The following DGKH variants were observed in gnomAD, a reference collection of about 807,000 sequenced individuals.
DGKH encodes diacylglycerol kinase eta.
DGKH carries 90 observed loss-of-function variants against 159.3 expected under a neutral mutation model. The observed-to-expected ratio is 0.57, with a 90% CI of 0.48 to 0.67. DGKH has a LOEUF of 0.67. DGKH is among the 30% of genes least tolerant of loss of function. DGKH has a pLI of 0.00. For missense variants in DGKH, 1,181 were observed against 1,506.1 expected (o/e 0.78, Z 3.57); for synonymous variants, 536 against 553.8 (o/e 0.97, Z 0.45).
At chr13:42,095,947 A>G (rs1184675347) in intron 1 of DGKH, among the ~76,000 whole-genome samples, 1 of 152,142 alleles carries the variant, frequency 6.6e-6, no homozygotes, top group Non-Finnish European at 1.5e-5. Flanking sequence ...TTAAAGTTAT[A>G]TTGTTTCTAT....
At chr13:42,244,069 A>G (rs1468006291), downstream of DGKH, among the ~76,000 whole-genome samples, 1 of 152,174 alleles carries the variant, frequency 6.6e-6, no homozygotes, top group Non-Finnish European at 1.5e-5. Flanking sequence ...GAGAAGAAAC[A>G]TAACAAATCC....
chr13:42,073,782 G>T (rs765918398), intron 1 of DGKH, among the ~76,000 whole-genome samples: 7 of 152,178 alleles, frequency 4.6e-5, no homozygotes, highest in Admixed American at 1.3e-4. Context: ...GATACATGCT[G>T]TCACAGAAAC....
chr13:42,241,914 CTG>C lies in DGKH; in HGVS notation c.*12728_*12729del, dbSNP rs935291496. The C allele has an allele frequency of 6.6e-6, 1 of 152,120 alleles. No individual in the cohort carries two copies. The highest frequency in any genetic ancestry group is 1.5e-5 in the Non-Finnish European group (1 of 68,008). The allele number at this position is 152,120 out of a possible 1,614,324, so 9.4% of individuals were successfully genotyped here. A position where few individuals can be genotyped will look rare whatever the true frequency, so the allele number is the denominator to read the frequency against. ...GGGTTCCTTCATGAGAAGGAAAAAA[CTG>C]TATCTTTATTGTCAGTAAGTGTGGA... On this transcript the variant is annotated 3_prime_UTR_variant, in exon 30 of 30. Transcript: ENST00000337343.
At chr13:42,174,380 C>T (rs982808812) in intron 12 of DGKH, among the ~76,000 whole-genome samples, 2 of 152,134 alleles carry the variant, frequency 1.3e-5, no homozygotes, top group African/African-American at 4.8e-5. Context: ...CCCAGTCACT[C>T]CTCTTCCTGG....
chr13:42,214,660 T>C lies in DGKH; in HGVS notation c.3120+48T>C, dbSNP rs750909715. 15 of 1,584,022 alleles carry C rather than the reference T, an allele frequency of 9.5e-6. No individual in the cohort carries two copies. The African/African-American group carries it at 1.9e-4, about 20-fold the overall frequency. On this transcript the variant is annotated intron_variant, in intron 25 of 29. Coordinates refer to ENST00000337343, the MANE Select transcript of DGKH (RefSeq NM_178009.5). ...TCATTCCACAGATTCTTTTGGGTGT[T>C]ACACATGTATTTTAATACTGTAAAA...
At chr13:42,190,315 G>A (rs1262499345) in intron 15 of DGKH, 88 bp from the exon 16 acceptor site, 10 of 1,477,340 alleles carry the variant, frequency 6.8e-6, no homozygotes, top group Non-Finnish European at 1.8e-6. Context: ...TTTGGCATAT[G>A]TTTCAATTTG....
Position 42,189,240 on chromosome 13 carries a change from A to G in DGKH, c.1843A>G (p.Arg615Gly), listed in dbSNP as rs1957005559. Residue 615 changes from arginine (R) to glycine (G), a missense_variant, in exon 15 of 30, where the codon AGG becomes GGG. This residue lies in a region of DGKH where 257 missense variants were observed against 281.5 expected (regional missense o/e 0.91). Transcript: ENST00000337343. ...TTCCTCCCAGAAAGCCGTCAAACCA[A>G]GGGAAATCATGTTGCGGGCAAATAG... ...KPSSQKAVKP[R>G]EIMLRANSLK... 2.5e-6 allele frequency: 4 copies of G among 1,614,250 alleles called. No individual in the cohort carries two copies. The highest frequency in any genetic ancestry group is 1.6e-4 in the Middle Eastern group (1 of 6,062).
At chr13:42,130,304 C>G (rs1046816613) in intron 3 of DGKH, among the ~76,000 whole-genome samples, 4 of 152,152 alleles carry the variant, frequency 2.6e-5, no homozygotes, top group Non-Finnish European at 4.4e-5. Flanking sequence ...TCAGTGATTC[C>G]TCCCCCATCT....
rs1418531924 is a variant in DGKH at position 42,209,317 on chromosome 13, T to C, written c.2716-14T>C. The stretch of plus-strand genomic sequence containing the variant: ...TGGATGATTTGTACTCTAAAATGAT[T>C]TGTTTTATTTCAGTGCCGTACAGTG... On this transcript the variant is annotated splice_polypyrimidine_tract_variant and intron_variant, in intron 22 of 29. Coordinates refer to ENST00000337343, the MANE Select transcript of DGKH (RefSeq NM_178009.5). The C allele has an allele frequency of 6.3e-7, 1 of 1,595,638 alleles. No homozygotes were observed. Among genetic ancestry groups the C allele is most frequent in the African/African-American group, 1.4e-5 (1 of 73,876 alleles).
intron 1 of DGKH, among the ~76,000 whole-genome samples, chr13:42,124,748 G>T (rs1226569374): frequency 6.6e-6 from 1 of 152,152 alleles, no homozygotes; most frequent in African/African-American, 2.4e-5. Flanking sequence ...AAAATGAGTT[G>T]CAATTATAAA....
chr13:42,177,011 A>G (rs931969932), intron 12 of DGKH, among the ~76,000 whole-genome samples: 3 of 152,240 alleles, frequency 2.0e-5, no homozygotes, highest in African/African-American at 7.2e-5. Flanking sequence ...ATTTATTTAC[A>G]TGATTATATG....
chr13:42,218,542 T>C (rs1262381044), intron 26 of DGKH, among the ~76,000 whole-genome samples: 1 of 147,910 alleles, frequency 6.8e-6, no homozygotes, highest in Non-Finnish European at 1.5e-5. Flanking sequence ...AGTTTCTGGC[T>C]CTGGCACCCA....
intron 13 of DGKH, among the ~76,000 whole-genome samples, chr13:42,179,104 C>T (rs1956679315): frequency 6.6e-6 from 1 of 151,908 alleles, no homozygotes; most frequent in Non-Finnish European, 1.5e-5. Flanking sequence ...CAACATATTC[C>T]CCAGAAATAG....
At chr13:42,041,989 G>C (rs1380457248) in intron 1 of DGKH, among the ~76,000 whole-genome samples, 1 of 152,152 alleles carries the variant, frequency 6.6e-6, no homozygotes, top group Non-Finnish European at 1.5e-5. Context: ...TACGCTCTCA[G>C]CTCCTTTGCC....
chr13:42,189,377 C>A (rs954330185), intron 15 of DGKH, 68 bp downstream of exon 15: 2 of 1,590,718 alleles, frequency 1.3e-6, no homozygotes. Flanking sequence ...AACGGAGTTT[C>A]CATAGTGGTC....
chr13:42,178,767 GA>G, intron 13 of DGKH, among the ~76,000 whole-genome samples: 1 of 152,290 alleles, frequency 6.6e-6, no homozygotes, highest in East Asian at 1.9e-4. Context: ...CTGGAATTTA[GA>G]ATTTAGTTTT....
At chr13:42,249,000 A>G (rs1231609563) in intron 29 of DGKH, among the ~76,000 whole-genome samples, 1 of 152,272 alleles carries the variant, frequency 6.6e-6, no homozygotes, top group Non-Finnish European at 1.5e-5. Flanking sequence ...AGATATGTTT[A>G]TATATCACAA....
intron 1 of DGKH, among the ~76,000 whole-genome samples, chr13:42,112,127 C>T (rs657351): frequency 0.67 from 102,364 of 152,076 alleles, 35,196 homozygotes; most frequent in African/African-American, 0.81. Context: ...TAAAAGTAAA[C>T]GATTACTTCT....
downstream of DGKH, among the ~76,000 whole-genome samples, chr13:42,244,553 T>A (rs1958561519): frequency 6.6e-6 from 1 of 152,204 alleles, no homozygotes; most frequent in Admixed American, 6.5e-5. Context: ...GGAGTGTATC[T>A]AGCACTGAGT....
Sources: allele counts gnomAD v4.1 joint callset (sites outside exome capture counted in the v4.1 genomes callset), GRCh38; gene constraint gnomAD v4.1.1; regional missense constraint gnomAD v4.1.1; transcripts MANE v1.5; gene names NCBI Gene and HGNC (gene_info 2026-07-23, HGNC 2026-07-21).